The following SLCO1B3 variants were observed in gnomAD, a reference collection of about 807,000 sequenced individuals.
SLCO1B3 encodes liver-specific organic anion transporter 2.
A neutral mutation model predicts 71.8 loss-of-function variants in SLCO1B3; 72 were observed. That is an observed-to-expected ratio of 1.00 (90% CI 0.83 to 1.22). The LOEUF is 1.22. SLCO1B3 is among the 50% of genes most tolerant of loss of function. SLCO1B3 has a pLI of 0.00. For missense variants in SLCO1B3, 911 were observed against 819.7 expected (o/e 1.11, Z -1.36); for synonymous variants, 298 against 278.4 (o/e 1.07, Z -0.70).
At chr12:20,827,895 G>T (rs547990016) in intron 3 of SLCO1B3, among the ~76,000 whole-genome samples, 95 of 152,192 alleles carry the variant, frequency 6.2e-4, no homozygotes, top group Non-Finnish European at 1.1e-3. Flanking sequence ...TGTTTAACTA[G>T]ATAGCCCTAA....
chr12:20,840,504 C>T (rs1864774113), intron 3 of SLCO1B3, among the ~76,000 whole-genome samples: 1 of 151,478 alleles, frequency 6.6e-6, no homozygotes, highest in Non-Finnish European at 1.5e-5. Context: ...CAATTCTCTG[C>T]CTCAGCCTCC....
At chr12:20,835,061 C>T (rs1449928496) in intron 3 of SLCO1B3, among the ~76,000 whole-genome samples, 1 of 152,176 alleles carries the variant, frequency 6.6e-6, no homozygotes, top group Non-Finnish European at 1.5e-5. Context: ...AAGCTCAACA[C>T]CATGTGGAAG....
At chr12:20,839,117 G>A (rs1031862342) in intron 3 of SLCO1B3, among the ~76,000 whole-genome samples, 2 of 150,916 alleles carry the variant, frequency 1.3e-5, no homozygotes, top group Non-Finnish European at 2.9e-5. Flanking sequence ...TTGCATCATT[G>A]TGTCATTCTT....
intron 8 of SLCO1B3, among the ~76,000 whole-genome samples, chr12:20,867,594 C>T (rs996608222): frequency 2.6e-5 from 4 of 151,970 alleles, no homozygotes; most frequent in African/African-American, 9.7e-5. Flanking sequence ...GAAGAAGCAG[C>T]GACAGAAACA....
chr12:20,915,815 A>G (rs1053460377), intron 15 of SLCO1B3, among the ~76,000 whole-genome samples, 189 bp from the exon 16 acceptor site: 1 of 152,124 alleles, frequency 6.6e-6, no homozygotes, highest in Non-Finnish European at 1.5e-5. Flanking sequence ...CTGTAGCTTC[A>G]TATGTTTTTT....
Position 20,916,094 on chromosome 12 carries a change from A to C in SLCO1B3, c.1956A>C (p.Gln652His). The change falls in exon 16 of 16, where the codon CAA becomes CAC. Residue 652 changes from glutamine to histidine, a missense_variant. Gln to His is a conservative substitution (Grantham distance 24). Transcript: ENST00000381545. ...VFIFAMKKKF[Q>H]GKDTKASDNE... ...TTTTTGCTATGAAGAAAAAATTTCA[A>C]GGAAAAGATACCAAGGCATCGGACA... The C allele has an allele frequency of 6.2e-7, 1 of 1,613,382 alleles. No individual in the cohort carries two copies. The highest frequency in any genetic ancestry group is 8.5e-7 in the Non-Finnish European group (1 of 1,179,532).
At chr12:20,883,736 G>A in intron 13 of SLCO1B3, 134 bp downstream of exon 13, 1 of 581,912 alleles carries the variant, frequency 1.7e-6, no homozygotes, top group South Asian at 2.6e-5. Flanking sequence ...CATTTTCTTA[G>A]AATTATTTTG....
chr12:20,847,895 T>G (rs2121197471), intron 3 of SLCO1B3, among the ~76,000 whole-genome samples: 1 of 152,068 alleles, frequency 6.6e-6, no homozygotes, highest in South Asian at 2.1e-4. Context: ...GCCTAGAAGC[T>G]TAAGGAACTC....
chr12:20,862,684 A>G (rs558728945), intron 7 of SLCO1B3, 72 bp from the exon 8 acceptor site: 2 of 1,447,744 alleles, frequency 1.4e-6, no homozygotes, highest in East Asian at 2.3e-5. Context: ...GTATAATATT[A>G]CTTTTAAAAG....
chr12:20,912,995 C>A (rs1277835845), intron 15 of SLCO1B3, among the ~76,000 whole-genome samples: 1 of 151,950 alleles, frequency 6.6e-6, no homozygotes, highest in Admixed American at 6.6e-5. Context: ...CTTAAGATAT[C>A]TTTTATAGAC....
At chr12:20,815,161 T>C (rs1032275688) in intron 2 of SLCO1B3, among the ~76,000 whole-genome samples, 1 of 152,068 alleles carries the variant, frequency 6.6e-6, no homozygotes, top group Non-Finnish European at 1.5e-5. Flanking sequence ...TTATCTGCTT[T>C]TTGAGCCTTG....
intron 3 of SLCO1B3, among the ~76,000 whole-genome samples, chr12:20,821,366 G>A (rs955770068): frequency 3.3e-5 from 5 of 152,118 alleles, no homozygotes; most frequent in African/African-American, 4.8e-5. Flanking sequence ...GAAAAAAGAC[G>A]CTTAGATTTT....
At chr12:20,829,332 T>C (rs1265349956) in intron 3 of SLCO1B3, among the ~76,000 whole-genome samples, 2 of 152,202 alleles carry the variant, frequency 1.3e-5, no homozygotes, top group Non-Finnish European at 2.9e-5. Flanking sequence ...CACTGCTCTC[T>C]ACCATCCTAG....
At chr12:20,856,427 G>T (rs895652123) in intron 4 of SLCO1B3, among the ~76,000 whole-genome samples, 1 of 151,866 alleles carries the variant, frequency 6.6e-6, no homozygotes, top group Non-Finnish European at 1.5e-5. Context: ...AAAATGATGC[G>T]AATAAAAACA....
In SLCO1B3 at chr12:20,875,274, G is replaced by A. The variant is rs60140950; in HGVS notation, c.767G>A (p.Gly256Glu). 7.4e-6 allele frequency: 12 copies of A among 1,613,084 alleles called. No individual in the cohort carries two copies. Among genetic ancestry groups the A allele is most frequent in the Non-Finnish European group, 1.0e-5 (12 of 1,179,530 alleles). Residue 256 changes from glycine (G) to glutamate (E), a missense_variant, in exon 9 of 16, where the codon GGA becomes GAA. Transcript: ENST00000381545. ...ACTCCTAAGGACTCTCGTTGGGTTG[G>A]AGCTTGGTGGCTTGGTTTCCTTGTG... Reference protein sequence around the residue: ...RITPKDSRWVGAWWLGFLVSG... With the variant: ...RITPKDSRWVEAWWLGFLVSG...
intron 3 of SLCO1B3, among the ~76,000 whole-genome samples, chr12:20,825,966 AT>A (rs1463657459): frequency 2.0e-5 from 3 of 152,130 alleles, no homozygotes; most frequent in African/African-American, 7.2e-5. Context: ...ATAACGAATT[AT>A]TTTGATAAAT....
intron 12 of SLCO1B3, among the ~76,000 whole-genome samples, chr12:20,882,118 T>C (rs1296740847): frequency 6.6e-6 from 1 of 152,130 alleles, no homozygotes; most frequent in Non-Finnish European, 1.5e-5. Flanking sequence ...TCCTGTGTTG[T>C]CCAGTAGTGA....
At chr12:20,821,041 G>A (rs571000576) in intron 3 of SLCO1B3, among the ~76,000 whole-genome samples, 138 of 152,046 alleles carry the variant, frequency 9.1e-4, no homozygotes, top group East Asian at 5.2e-3. Context: ...GAACTAGCTC[G>A]GCCTGGCGAG....
chr12:20,826,841 G>A (rs185129765), intron 3 of SLCO1B3, among the ~76,000 whole-genome samples: 1 of 151,784 alleles, frequency 6.6e-6, no homozygotes, highest in East Asian at 1.9e-4. Context: ...CTTTGTATTA[G>A]ACAAAAATTA....
Sources: gnomAD v4.1 joint callset for allele counts (sites outside exome capture counted in the v4.1 genomes callset) on GRCh38, gnomAD v4.1.1 for gene constraint, MANE v1.5 for transcripts, NCBI Gene and HGNC (gene_info 2026-07-23, HGNC 2026-07-21) for gene names.